The following AKTIP variants were observed in gnomAD, a reference collection of about 807,000 sequenced individuals.
The protein encoded by AKTIP is AKT interacting protein.
AKTIP carries 16 observed loss-of-function variants against 39.1 expected under a neutral mutation model. The observed-to-expected ratio is 0.41, with a 90% confidence interval of 0.28 to 0.62. The LOEUF (loss-of-function observed/expected upper bound fraction) is 0.62. Among genes scored for constraint, AKTIP ranks in the 20% least tolerant of loss-of-function variants. AKTIP has a pLI of 0.32. For missense variants in AKTIP, 262 were observed against 356.6 expected (o/e 0.73, Z 2.14); for synonymous variants, 93 against 124.3 (o/e 0.75, Z 1.67).
intron 2 of AKTIP, among the ~76,000 whole-genome samples, chr16:53,499,449 G>GTTT (rs56138099): frequency 8.4e-5 from 11 of 130,704 alleles, no homozygotes; most frequent in Non-Finnish European, 8.1e-5. Flanking sequence ...TGAGATTATA[G>GTTT]TTTTTTTTTT....
Position 53,492,909 on chromosome 16 carries a change from TTC to T in AKTIP, c.711-158_711-157del, listed in dbSNP as rs1961581880. On this transcript the variant is annotated intron_variant, in intron 8 of 9. Coordinates refer to ENST00000394657, the MANE Select transcript of AKTIP (RefSeq NM_022476.4). ...TGTTTTAGACATTATCTAATTAATT[TTC>T]TCACATAACTATCCCTCATACATGA... is the stretch of plus-strand genomic sequence containing the variant. 4 of 643,950 alleles carry T rather than the reference TTC, an allele frequency of 6.2e-6. No homozygotes were observed. The African/African-American group carries it at 7.4e-5, about 12-fold the overall frequency. The allele number at this position is 643,950 out of a possible 1,614,324, so 39.9% of individuals were successfully genotyped here.
rs1961480673 is a variant in AKTIP, at chr16:53,491,739, A to ACAT, written c.*670_*672dup. 1 of 152,664 alleles carries ACAT rather than the reference A, an allele frequency of 6.6e-6. No individual in the cohort carries two copies. The highest frequency in any genetic ancestry group is 6.5e-5 in the Admixed American group (1 of 15,276). The allele number at this position is 152,664 out of a possible 1,614,324, so 9.5% of individuals were successfully genotyped here. On this transcript the variant is annotated 3_prime_UTR_variant, in exon 10 of 10. Coordinates refer to ENST00000394657, the MANE Select transcript of AKTIP (RefSeq NM_022476.4). Reference sequence around the variant, plus strand: ...TTGGTTTATTTTGTCTCTACTAAACACATTAGTCATTTATCATTTAAATAC... The same window carrying ACAT: ...TTGGTTTATTTTGTCTCTACTAAACACATCATTAGTCATTTATCATTTAAATAC...
intron 2 of AKTIP, among the ~76,000 whole-genome samples, chr16:53,499,869 A>C (rs1962066476): frequency 1.3e-5 from 2 of 152,308 alleles, no homozygotes; most frequent in Admixed American, 1.3e-4. Flanking sequence ...CTCAAGTCTG[A>C]TTTAATGATA....
At chr16:53,504,088 C>A (rs1038338572), upstream of AKTIP, among the ~76,000 whole-genome samples, 4 of 133,800 alleles carry the variant, frequency 3.0e-5, no homozygotes, top group African/African-American at 1.1e-4. Flanking sequence ...AGTTCCTGGT[C>A]TTTTTTTTTT....
intron 1 of AKTIP, chr16:53,501,316 G>A (rs975953522): frequency 6.6e-6 from 1 of 152,162 alleles, no homozygotes; most frequent in African/African-American, 2.4e-5. Context: ...CCAGACAAAT[G>A]CAACACAGGC....
At chr16:53,498,271 G>A in intron 3 of AKTIP, 120 bp downstream of exon 3, 1 of 1,009,138 alleles carries the variant, frequency 9.9e-7, no homozygotes, top group Non-Finnish European at 1.5e-6. Context: ...ATACTGGAAA[G>A]GGACAGGTTT....
At chr16:53,496,636 C>T (rs1049858768) in intron 3 of AKTIP, among the ~76,000 whole-genome samples, 1 of 151,728 alleles carries the variant, frequency 6.6e-6, no homozygotes, top group African/African-American at 2.4e-5. Context: ...AGTTTGAGAC[C>T]AGCCTAGCCA....
intron 8 of AKTIP, chr16:53,493,138 C>T (rs564365417): frequency 2.9e-4 from 51 of 176,810 alleles, no homozygotes; most frequent in South Asian, 5.7e-4. Context: ...GGTGTGATCT[C>T]GGCTCACTGC....
rs1961565909 is a variant in AKTIP, at chr16:53,492,734, A to G, written c.730T>C (p.Ser244Pro). The G allele has an allele frequency of 6.2e-7, 1 of 1,614,070 alleles. No individual in the cohort carries two copies. Among genetic ancestry groups the G allele is most frequent in the African/African-American group, 1.3e-5 (1 of 75,070 alleles). Residue 244 changes from serine (S) to proline (P), a missense_variant, in exon 9 of 10, where the codon TCT (serine) becomes CCT (proline). Physicochemically the swap from Ser to Pro is moderately conservative, Grantham distance 74. Coordinates refer to ENST00000394657, the MANE Select transcript of AKTIP (RefSeq NM_022476.4). Reference protein sequence around the residue: ...YAISFSPWNPSVHDEAREKML... With the variant: ...YAISFSPWNPPVHDEAREKML... ...TTTTCTCTGGCTTCATCATGTACAG[A>G]AGGATTCCATGGAGAAAAGCTTAAG...
chr16:53,496,975 T>C (rs1443534578), intron 3 of AKTIP, among the ~76,000 whole-genome samples: 1 of 152,218 alleles, frequency 6.6e-6, no homozygotes, highest in East Asian at 1.9e-4. Context: ...TTTTTAATTT[T>C]TTTTTTAGAG....
intron 5 of AKTIP, 186 bp from the exon 6 acceptor site, chr16:53,494,791 C>T (rs1425208431): frequency 4.2e-6 from 3 of 706,184 alleles, no homozygotes; most frequent in African/African-American, 1.8e-5. Context: ...TGCAATGAAG[C>T]GGGGAAAACT....
intron 3 of AKTIP, 54 bp downstream of exon 3, chr16:53,498,337 C>A: frequency 1.3e-6 from 2 of 1,570,148 alleles, no homozygotes; most frequent in Non-Finnish European, 1.8e-6. Context: ...AAATTTCATT[C>A]TTCACTTTAA....
In AKTIP at chr16:53,491,475, G is replaced by GAATC. The variant is rs1237788284; in HGVS notation, c.*933_*936dup. Reference sequence around the variant, plus strand: ...TAGGGAGAAAATTCAATTGTAAATTGAATCAGTATAAACAAAGTTACTAGG... The same window carrying GAATC: ...TAGGGAGAAAATTCAATTGTAAATTGAATCAATCAGTATAAACAAAGTTACTAGG... On this transcript the variant is annotated 3_prime_UTR_variant, in exon 10 of 10. Coordinates refer to ENST00000394657, the MANE Select transcript of AKTIP (RefSeq NM_022476.4). The GAATC allele has an allele frequency of 6.6e-6, 1 of 152,472 alleles. No individual in the cohort carries two copies. The highest frequency in any genetic ancestry group is 2.4e-5 in the African/African-American group (1 of 41,416). The allele number at this position is 152,472 out of a possible 1,614,324, so 9.4% of individuals were successfully genotyped here. A position where few individuals can be genotyped will look rare whatever the true frequency, so the allele number is the denominator to read the frequency against.
intron 3 of AKTIP, among the ~76,000 whole-genome samples, chr16:53,495,624 C>T (rs910352490): frequency 6.6e-6 from 1 of 152,182 alleles, no homozygotes; most frequent in Non-Finnish European, 1.5e-5. Context: ...AGTTTCCTCC[C>T]AGAAATTCGC....
chr16:53,498,430 T>C lies in AKTIP; in HGVS notation c.209A>G (p.Tyr70Cys). The C allele has an allele frequency of 1.2e-6, 2 of 1,613,994 alleles. No individual in the cohort carries two copies. The highest frequency in any genetic ancestry group is 1.1e-5 in the South Asian group (1 of 91,072). Residue 70 changes from tyrosine to cysteine, a missense_variant, in exon 3 of 10, where the codon TAT becomes TGT. Physicochemically the swap from Tyr to Cys is radical, Grantham distance 194 (BLOSUM62 -2). Transcript: ENST00000394657. ...AQSTNGTHASYGPFYLEYSLL... is the reference protein window; with the variant it reads ...AQSTNGTHASCGPFYLEYSLL... The stretch of plus-strand genomic sequence containing the variant: ...AGAGTATTCCAGGTAGAAGGGTCCA[T>C]AGGACGCATGCGTGCCATTTGTTGA...
rs1177246282 is a variant in AKTIP, at chr16:53,495,084, C to A, written c.403G>T (p.Gly135Cys). Residue 135 changes from glycine (G) to cysteine (C), a missense_variant, in exon 5 of 10, where the codon GGT becomes TGT. By Grantham distance (159) the Gly-to-Cys change is radical (BLOSUM62 -3). Coordinates refer to ENST00000394657, the MANE Select transcript of AKTIP (RefSeq NM_022476.4). ...TGTCTCCAACTTACTGGACAGTCAC[C>A]ATCTGGATAGTTATCAGGGATGTAA... ...TVYIPDNYPD[G>C]DCPRLVFDIP... The A allele has an allele frequency of 1.2e-6, 2 of 1,613,874 alleles. No homozygotes were observed. The highest frequency in any genetic ancestry group is 1.7e-6 in the Non-Finnish European group (2 of 1,179,738).
At position 53,494,608 on chromosome 16, in the gene AKTIP, G is replaced by A; in HGVS notation, c.415-3C>T. On this transcript the variant is annotated splice_region_variant and splice_polypyrimidine_tract_variant and intron_variant, in intron 5 of 9. Coordinates refer to ENST00000394657, the MANE Select transcript of AKTIP (RefSeq NM_022476.4). ...ACAGGAATATCGAACACCAAGCGCT[G>A]TATTTAAATAAAGAGAGACATGTCC... 6.2e-7 allele frequency: 1 copy of A among 1,613,516 alleles called. No homozygotes were observed. Among genetic ancestry groups the A allele is most frequent in the Non-Finnish European group, 8.5e-7 (1 of 1,179,596 alleles).
chr16:53,498,531 T>C lies in AKTIP; in HGVS notation c.108A>G (p.Pro36=), dbSNP rs1470551598. The change falls in exon 3 of 10, where the codon CCA becomes CCG. Residue 36 remains proline, a synonymous_variant. Transcript: ENST00000394657. ...TGGGAATAGAAGGCAGCTGTTTCTT[T>C]GGTGCAGTTCGTGGAGGACTGGTTT... is the stretch of plus-strand genomic sequence containing the variant. ...DVKTSPPRTA[P]KKQLPSIPKN... The C allele has an allele frequency of 6.2e-7, 1 of 1,614,196 alleles. No homozygotes were observed. The highest frequency in any genetic ancestry group is 8.5e-7 in the Non-Finnish European group (1 of 1,179,992).
rs772025388 is a variant in AKTIP, at chr16:53,494,472, C to A, written c.504-35G>T. The stretch of plus-strand genomic sequence containing the variant: ...AACATGGCGTGATTACCGAGGCGTC[C>A]TCTTGCTGTATTATGTCACTAAAAG... On this transcript the variant is annotated intron_variant, in intron 6 of 9. Transcript: ENST00000394657. The A allele has an allele frequency of 5.0e-6, 8 of 1,613,706 alleles. 1 individual carries two copies. The South Asian group carries it at 8.8e-5, about 18-fold the overall frequency.
Sources: gnomAD v4.1 joint callset for allele counts (sites outside exome capture counted in the v4.1 genomes callset) on GRCh38, gnomAD v4.1.1 for gene constraint, MANE v1.5 for transcripts, NCBI Gene and HGNC (gene_info 2026-07-23, HGNC 2026-07-21) for gene names.